HCN1: variants seen among roughly 807,000 people sequenced by gnomAD.
HCN1 encodes the protein hyperpolarization activated cyclic nucleotide gated potassium channel 1.
Under a neutral mutation model 78.9 loss-of-function variants are expected in HCN1, and 13 were observed. The observed-to-expected ratio is 0.16, with a 90% CI of 0.11 to 0.26. HCN1 has a LOEUF of 0.26. HCN1 is among the 10% of genes least tolerant of loss of function. The pLI, the probability that HCN1 is intolerant of heterozygous loss-of-function variation, is 1.00. For missense variants in HCN1, 810 were observed against 1,154.3 expected, an observed-to-expected ratio of 0.70 and a Z score of 4.32; for synonymous variants, 552 against 455.5, an observed-to-expected ratio of 1.21 and a Z score of -2.70.
chr5:45,494,474 G>A (rs1459029171), intron 2 of HCN1, among the ~76,000 whole-genome samples: 2 of 151,628 alleles, frequency 1.3e-5, no homozygotes, highest in Admixed American at 6.6e-5. Flanking sequence ...AAATTTGTTT[G>A]AGTTCATTGT....
At chr5:45,585,356 C>T (rs573761503) in intron 2 of HCN1, among the ~76,000 whole-genome samples, 11 of 152,264 alleles carry the variant, frequency 7.2e-5, no homozygotes, top group South Asian at 4.1e-4. Context: ...ATGTAGTTCT[C>T]GTGCCATGGT....
At chr5:45,601,320 T>C (rs1308345122) in intron 2 of HCN1, among the ~76,000 whole-genome samples, 3 of 152,120 alleles carry the variant, frequency 2.0e-5, no homozygotes, top group Admixed American at 2.0e-4. Context: ...TAGATTCTAC[T>C]GAGGCTCAGA....
intron 4 of HCN1, among the ~76,000 whole-genome samples, chr5:45,373,410 ATAT>A (rs1747478899): frequency 7.5e-6 from 1 of 134,028 alleles, no homozygotes. Context: ...TATATAAAAT[ATAT>A]TATAATATAT....
rs1744581364 is a variant in HCN1 at position 45,255,142 on chromosome 5, C to A, written c.*6779G>T. On this transcript the variant is annotated 3_prime_UTR_variant, in exon 8 of 8. Transcript: ENST00000303230. ...TTTTCTCTTCCCTGGTTCTAACTAGCAAGTGCCAGGAGGCAGGCTGGGTTA... is the reference window on the plus strand; with the variant it reads ...TTTTCTCTTCCCTGGTTCTAACTAGAAAGTGCCAGGAGGCAGGCTGGGTTA... 1 of 152,170 alleles carries A rather than the reference C, an allele frequency of 6.6e-6. No homozygotes were observed. 9.4% of individuals were successfully genotyped at this position (152,170 alleles called of 1,614,324 possible).
chr5:45,373,010 A>G (rs1385796697), intron 4 of HCN1, among the ~76,000 whole-genome samples: 5 of 138,526 alleles, frequency 3.6e-5, no homozygotes, highest in Non-Finnish European at 7.7e-5. Flanking sequence ...AAAATTATAT[A>G]AAATATATAT....
chr5:45,283,933 T>C (rs977265606), intron 6 of HCN1, among the ~76,000 whole-genome samples: 1 of 152,106 alleles, frequency 6.6e-6, no homozygotes, highest in East Asian at 1.9e-4. Context: ...AAATGCAGTA[T>C]ATAGACATCA....
chr5:45,657,685 G>T (rs1745801249), intron 1 of HCN1, among the ~76,000 whole-genome samples: 1 of 152,130 alleles, frequency 6.6e-6, no homozygotes, highest in Non-Finnish European at 1.5e-5. Flanking sequence ...ACTTACAAGG[G>T]ATGTGAAGGA....
chr5:45,361,432 C>T (rs374366830), intron 4 of HCN1, among the ~76,000 whole-genome samples: 2 of 152,294 alleles, frequency 1.3e-5, no homozygotes, highest in East Asian at 1.9e-4. Context: ...GATTCTCCTG[C>T]CTCAGCTGTA....
At chr5:45,548,749 A>T (rs1005265525) in intron 2 of HCN1, among the ~76,000 whole-genome samples, 1 of 152,152 alleles carries the variant, frequency 6.6e-6, no homozygotes, top group Admixed American at 6.6e-5. Context: ...AGAAAACCCC[A>T]TTGTCTCAGC....
rs551049512 is a variant in HCN1, at chr5:45,347,028, G to A, written c.1377+6072C>T. Among the ~76,000 whole-genome samples the A allele has an allele frequency of 1.6e-4, 24 of 152,324 alleles. No individual in the cohort carries two copies. The South Asian group carries it at 2.7e-3, about 17-fold the overall frequency. The stretch of plus-strand genomic sequence containing the variant: ...AAGAGAGCAGTGGTTCTCCCAGCAC[G>A]CAGCTGGAGATCTGAGAACAGGCAG... On this transcript the variant is annotated intron_variant, in intron 5 of 7. Coordinates refer to ENST00000303230, the MANE Select transcript of HCN1 (RefSeq NM_021072.4).
chr5:45,634,137 CT>C (rs1208964766), intron 2 of HCN1, among the ~76,000 whole-genome samples: 2 of 151,914 alleles, frequency 1.3e-5, no homozygotes, highest in Non-Finnish European at 1.5e-5. Flanking sequence ...CCTTTCTCCT[CT>C]GCCAGTCAAT....
At chr5:45,670,610 G>A (rs1346438351) in intron 1 of HCN1, among the ~76,000 whole-genome samples, 1 of 151,490 alleles carries the variant, frequency 6.6e-6, no homozygotes, top group African/African-American at 2.4e-5. Flanking sequence ...TTAATCTAAC[G>A]AAGTCTCAAT....
chr5:45,345,559 A>G (rs1746684682), intron 5 of HCN1, among the ~76,000 whole-genome samples: 1 of 152,164 alleles, frequency 6.6e-6, no homozygotes, highest in African/African-American at 2.4e-5. Context: ...CTCAACTTCA[A>G]AGTTCCACAA....
chr5:45,363,538 A>T lies in HCN1; in HGVS notation c.1231-10292T>A, dbSNP rs969653638. On this transcript the variant is annotated intron_variant, in intron 4 of 7. Coordinates refer to ENST00000303230, the MANE Select transcript of HCN1 (RefSeq NM_021072.4). The stretch of plus-strand genomic sequence containing the variant: ...CCCCAATTGTCTATAACTAAAAAAA[A>T]CCTCAATAATATACCCTTCATTAGA... Among the ~76,000 whole-genome samples, 8 of 151,922 alleles carry T rather than the reference A, an allele frequency of 5.3e-5. No individual in the cohort carries two copies. The East Asian group carries it at 1.4e-3, about 26-fold the overall frequency.
intron 3 of HCN1, among the ~76,000 whole-genome samples, chr5:45,433,090 A>G (rs1740495880): frequency 6.6e-6 from 1 of 152,124 alleles, no homozygotes; most frequent in African/African-American, 2.4e-5. Context: ...CCCTCCCATG[A>G]CACATGGGAA....
intron 2 of HCN1, among the ~76,000 whole-genome samples, chr5:45,545,889 C>T (rs1743213721): frequency 6.6e-6 from 1 of 152,034 alleles, no homozygotes; most frequent in Non-Finnish European, 1.5e-5. Context: ...CCCATTTTCT[C>T]TGACACCTCA....
chr5:45,499,556 G>A (rs938331533), intron 2 of HCN1, among the ~76,000 whole-genome samples: 10 of 152,158 alleles, frequency 6.6e-5, no homozygotes, highest in South Asian at 2.1e-4. Flanking sequence ...CTTCTGCGTC[G>A]CTTACGCTGG....
intron 3 of HCN1, among the ~76,000 whole-genome samples, chr5:45,457,034 C>T (rs974704768): frequency 6.6e-6 from 1 of 151,898 alleles, no homozygotes; most frequent in Non-Finnish European, 1.5e-5. Flanking sequence ...TATGTTAAAA[C>T]CTTCAAAATG....
At chr5:45,488,436 T>C (rs1392705099) in intron 2 of HCN1, among the ~76,000 whole-genome samples, 2 of 152,156 alleles carry the variant, frequency 1.3e-5, no homozygotes, top group East Asian at 1.9e-4. Context: ...AATTTCTCCA[T>C]ATCTCAATAA....
Sources: allele counts gnomAD v4.1 joint callset (sites outside exome capture counted in the v4.1 genomes callset), GRCh38; gene constraint gnomAD v4.1.1; transcripts MANE v1.5; gene names NCBI Gene and HGNC (gene_info 2026-07-23, HGNC 2026-07-21).